Variants in HAPLN1 observed in about 807,000 individuals in gnomAD.
HAPLN1 encodes hyaluronan and proteoglycan link protein 1.
A neutral mutation model predicts 36.5 loss-of-function variants in HAPLN1; 13 were observed. The ratio of observed to expected loss-of-function variants is 0.36; its 90% CI spans 0.23 to 0.57. The LOEUF (loss-of-function observed/expected upper bound fraction) is 0.57, where lower values mean the gene tolerates loss of function less well. Among genes scored for constraint, HAPLN1 ranks in the 20% least tolerant of loss-of-function variants. The pLI, the probability that HAPLN1 is intolerant of heterozygous loss-of-function variation, is 0.83. For missense variants in HAPLN1, 407 were observed against 439.7 expected, an observed-to-expected ratio of 0.93 and a Z score of 0.66; for synonymous variants, 202 against 169.8, an observed-to-expected ratio of 1.19 and a Z score of -1.48.
At chr5:83,706,096 T>A (rs1751641030) in intron 1 of HAPLN1, among the ~76,000 whole-genome samples, 1 of 114,398 alleles carries the variant, frequency 8.7e-6, no homozygotes, top group Non-Finnish European at 1.8e-5. Flanking sequence ...ATAAATAGCC[T>A]ACCAATCGAA....
intron 1 of HAPLN1, among the ~76,000 whole-genome samples, chr5:83,688,799 C>G (rs961613492): frequency 6.6e-6 from 1 of 151,862 alleles, no homozygotes. Context: ...AAAACGAACT[C>G]TTCTATCACC....
chr5:83,657,017 G>A (rs376120317), intron 2 of HAPLN1, among the ~76,000 whole-genome samples: 9 of 151,962 alleles, frequency 5.9e-5, no homozygotes, highest in South Asian at 2.1e-4. Flanking sequence ...TTTATTTGGC[G>A]GTTTATACCC....
intron 2 of HAPLN1, among the ~76,000 whole-genome samples, chr5:83,653,643 T>C (rs973785637): frequency 1.3e-5 from 2 of 152,222 alleles, no homozygotes; most frequent in African/African-American, 4.8e-5. Flanking sequence ...TGTTTTGCAG[T>C]TATCTTATTA....
intron 2 of HAPLN1, among the ~76,000 whole-genome samples, chr5:83,657,327 A>G (rs1015057173): frequency 2.6e-5 from 4 of 151,962 alleles, no homozygotes; most frequent in African/African-American, 9.7e-5. Context: ...AGAACTCCTG[A>G]CCTCAGGTGA....
intron 1 of HAPLN1, among the ~76,000 whole-genome samples, chr5:83,689,452 A>T (rs1198982271): frequency 8.8e-6 from 1 of 113,462 alleles, no homozygotes; most frequent in East Asian, 3.7e-4. Flanking sequence ...AAGGCCTTAT[A>T]ACTGAACTAC....
chr5:83,647,341 A>T (rs1233527846), intron 3 of HAPLN1, among the ~76,000 whole-genome samples: 5 of 152,326 alleles, frequency 3.3e-5, no homozygotes, highest in African/African-American at 1.2e-4. Flanking sequence ...AACAAATTTG[A>T]ATTACTGTTT....
intron 1 of HAPLN1, among the ~76,000 whole-genome samples, chr5:83,712,796 T>C (rs1751823018): frequency 1.3e-5 from 2 of 151,608 alleles, no homozygotes; most frequent in African/African-American, 4.8e-5. Context: ...CATGAAATAT[T>C]GGGGTAATAC....
At chr5:83,709,067 C>T (rs957346236) in intron 1 of HAPLN1, among the ~76,000 whole-genome samples, 5 of 151,994 alleles carry the variant, frequency 3.3e-5, no homozygotes, top group Non-Finnish European at 7.4e-5. Context: ...TTAGCAAAGA[C>T]GGGTTTTCAC....
intron 2 of HAPLN1, among the ~76,000 whole-genome samples, chr5:83,664,657 A>G (rs902411188): frequency 6.6e-6 from 1 of 152,166 alleles, no homozygotes; most frequent in Non-Finnish European, 1.5e-5. Flanking sequence ...TGCTGGGATT[A>G]TAGATGTGAG....
intron 2 of HAPLN1, among the ~76,000 whole-genome samples, chr5:83,663,316 A>C (rs2112583469): frequency 6.6e-6 from 1 of 152,322 alleles, no homozygotes; most frequent in South Asian, 2.1e-4. Flanking sequence ...AATTTTAAAA[A>C]ATCATATGAG....
chr5:83,701,933 C>T (rs1184007481), intron 1 of HAPLN1, among the ~76,000 whole-genome samples: 1 of 143,978 alleles, frequency 6.9e-6, no homozygotes. Flanking sequence ...CAAAAACACA[C>T]ACACACACAC....
chr5:83,688,671 T>TTTTTTTTTTTTG (rs1751199088), intron 1 of HAPLN1, among the ~76,000 whole-genome samples: 1 of 116,022 alleles, frequency 8.6e-6, no homozygotes, highest in Non-Finnish European at 1.8e-5. Flanking sequence ...TTTTTTTTTT[T>TTTTTTTTTTTTG]CACTTTGGAG....
chr5:83,649,134 A>G (rs1303070262), intron 3 of HAPLN1, among the ~76,000 whole-genome samples: 4 of 152,256 alleles, frequency 2.6e-5, no homozygotes, highest in Non-Finnish European at 5.9e-5. Context: ...GCAAAATAAA[A>G]TAAGATTGGC....
intron 1 of HAPLN1, among the ~76,000 whole-genome samples, chr5:83,676,690 T>C (rs1473608564): frequency 6.6e-6 from 1 of 152,168 alleles, no homozygotes; most frequent in Admixed American, 6.5e-5. Flanking sequence ...GTATGTTAGG[T>C]AAAAATTTGC....
chr5:83,682,451 A>G (rs1275738541), intron 1 of HAPLN1: 7 of 152,226 alleles, frequency 4.6e-5, no homozygotes, highest in Non-Finnish European at 1.0e-4. Context: ...GTACCTAGTT[A>G]TACTAAGTCA....
At chr5:83,711,192 T>G (rs542568916) in intron 1 of HAPLN1, among the ~76,000 whole-genome samples, 1 of 151,960 alleles carries the variant, frequency 6.6e-6, no homozygotes, top group Non-Finnish European at 1.5e-5. Context: ...GGCAAGACAG[T>G]GAGAGGGTGG....
chr5:83,718,694 A>G (rs974920795), intron 1 of HAPLN1, among the ~76,000 whole-genome samples: 7 of 152,238 alleles, frequency 4.6e-5, no homozygotes, highest in Non-Finnish European at 8.8e-5. Flanking sequence ...GCAGGATGTC[A>G]GAAAATTAAT....
At chr5:83,717,966 T>C (rs978837924) in intron 1 of HAPLN1, among the ~76,000 whole-genome samples, 5 of 152,174 alleles carry the variant, frequency 3.3e-5, no homozygotes, top group African/African-American at 1.2e-4. Flanking sequence ...TTTAAGCTAG[T>C]AGTTATTTTC....
At chr5:83,719,692 T>C (rs997232535) in intron 1 of HAPLN1, among the ~76,000 whole-genome samples, 6 of 152,196 alleles carry the variant, frequency 3.9e-5, no homozygotes, top group Admixed American at 2.6e-4. Context: ...AATATTCCCA[T>C]TCCATTAAAA....
Sources: allele counts gnomAD v4.1 joint callset (sites outside exome capture counted in the v4.1 genomes callset), GRCh38; gene constraint gnomAD v4.1.1; transcripts MANE v1.5; gene names NCBI Gene and HGNC (gene_info 2026-07-23, HGNC 2026-07-21).